DNAAF5: variants seen among roughly 807,000 people sequenced by gnomAD.
The protein encoded by DNAAF5 is HEAT repeat containing 2.
Under a neutral mutation model 75.8 loss-of-function variants are expected in DNAAF5, and 64 were observed. That is an observed-to-expected ratio of 0.84 (90% CI 0.69 to 1.04). DNAAF5 has a LOEUF of 1.04. DNAAF5 is among the 50% of genes least tolerant of loss of function. The pLI is 0.00. For missense variants in DNAAF5, 1,269 were observed against 1,178.5 expected, an observed-to-expected ratio of 1.08 and a Z score of -1.12; for synonymous variants, 657 against 557.2, an observed-to-expected ratio of 1.18 and a Z score of -2.52.
chr7:740,372 A>G (rs922919064), intron 2 of DNAAF5, among the ~76,000 whole-genome samples: 3 of 152,174 alleles, frequency 2.0e-5, no homozygotes, highest in African/African-American at 7.2e-5. Context: ...CCTTTGAGGT[A>G]TGGCCACGGT....
At chr7:750,278 G>A (rs562794114) in intron 4 of DNAAF5, among the ~76,000 whole-genome samples, 18 of 152,282 alleles carry the variant, frequency 1.2e-4, no homozygotes, top group East Asian at 5.8e-4. Context: ...AGCCAGGCAC[G>A]TAGGAGGCTG....
chr7:770,974 G>GGCAGGGAACAAGCTCTCA (rs1272677410), intron 9 of DNAAF5: 2,617 of 202,730 alleles, frequency 0.013, 35 homozygotes, highest in Admixed American at 0.024. Flanking sequence ...ACAAGCTCTC[G>GGCAGGGAACAAGCTCTCA]GCAGGGAATG....
At chr7:745,680 C>T (rs984049967) in intron 4 of DNAAF5, among the ~76,000 whole-genome samples, 2 of 148,402 alleles carry the variant, frequency 1.3e-5, no homozygotes, top group South Asian at 2.3e-4. Context: ...CGTGTACACA[C>T]ATATACACAT....
chr7:773,031 C>T (rs1206895973), intron 9 of DNAAF5: 1 of 151,944 alleles, frequency 6.6e-6, no homozygotes, highest in Non-Finnish European at 1.5e-5. Context: ...ACGCCTGGCC[C>T]ACACTTGGAC....
At position 727,293 on chromosome 7, in the gene DNAAF5, C is replaced by A; in HGVS notation, c.573C>A (p.Ala191=). The A allele has an allele frequency of 9.2e-6, 12 of 1,301,684 alleles. No individual in the cohort carries two copies. Among genetic ancestry groups the A allele is most frequent in the Non-Finnish European group, 1.2e-5 (12 of 1,028,862 alleles). 80.6% of individuals were successfully genotyped at this position (1,301,684 alleles called of 1,614,324 possible). Residue 191 remains alanine, a synonymous_variant, in exon 1 of 13, where the codon GCC becomes GCA. Transcript: ENST00000297440. ...AVRRESCSCA[A]ALAQATPDHF... ...GCCGCGAGAGCTGCAGCTGCGCCGC[C>A]GCCCTGGCGCAGGCCACGCCCGGTG...
chr7:771,538 T>C (rs542459288), intron 9 of DNAAF5: 1 of 152,406 alleles, frequency 6.6e-6, no homozygotes, highest in Admixed American at 6.5e-5. Context: ...TTCTCCTTCA[T>C]GACCCTCATC....
chr7:767,353 G>A (rs984353889), intron 8 of DNAAF5, among the ~76,000 whole-genome samples: 15 of 151,850 alleles, frequency 9.9e-5, no homozygotes, highest in Middle Eastern at 3.2e-3. Flanking sequence ...TTGGAAAGCC[G>A]TGGGACGCTG....
chr7:727,218 C>T lies in DNAAF5; in HGVS notation c.498C>T (p.Asp166=), dbSNP rs1583468276. 1.5e-6 allele frequency: 2 copies of T among 1,350,560 alleles called. No individual in the cohort carries two copies. Among genetic ancestry groups the T allele is most frequent in the Non-Finnish European group, 1.9e-6 (2 of 1,050,550 alleles). The allele number at this position is 1,350,560 out of a possible 1,614,324, so 83.7% of individuals were successfully genotyped here. A position where few individuals can be genotyped will look rare whatever the true frequency, so the allele number is the denominator to read the frequency against. ...CCGCGCTCGCGCCCCACCTGGACGA[C>T]GCTCTGCGCGCGCTGCGCTGCTCCC... The part of the protein sequence containing the change: ...CGAALAPHLD[D]ALRALRCSLL... The change falls in exon 1 of 13, where the codon GAC becomes GAT. Residue 166 remains aspartate, a synonymous_variant. Transcript: ENST00000297440.
intron 2 of DNAAF5, among the ~76,000 whole-genome samples, chr7:738,107 CT>C (rs1172782248): frequency 6.6e-6 from 1 of 152,132 alleles, no homozygotes; most frequent in African/African-American, 2.4e-5. Context: ...TCTTTCTATT[CT>C]TTTTTCTTTT....
chr7:760,065 CGGGGCCGCGCGGCTCCTCCAGCTCTGAG>C (rs1782596809), intron 6 of DNAAF5, among the ~76,000 whole-genome samples: 1 of 10,066 alleles, frequency 9.9e-5, no homozygotes, highest in Admixed American at 1.2e-3. Context: ...CCGAGGGAGA[CGGGGCCGCGCGGCTCCTCCAGCTCTGAG>C]GGAGACGGGG....
chr7:767,517 C>T (rs1778350876), intron 8 of DNAAF5, among the ~76,000 whole-genome samples: 1 of 152,208 alleles, frequency 6.6e-6, no homozygotes, highest in Non-Finnish European at 1.5e-5. Context: ...CCAAATACCT[C>T]ATACGAAGTT....
chr7:746,640 C>T, intron 4 of DNAAF5, among the ~76,000 whole-genome samples: 1 of 151,714 alleles, frequency 6.6e-6, no homozygotes, highest in South Asian at 2.1e-4. Context: ...TGCCACCCCC[C>T]ACCCACCTTG....
At chr7:748,474 TTC>T (rs936890598) in intron 4 of DNAAF5, among the ~76,000 whole-genome samples, 2 of 152,216 alleles carry the variant, frequency 1.3e-5, no homozygotes, top group African/African-American at 4.8e-5. Flanking sequence ...AGTTCTGTGT[TTC>T]TGAGTGCGGA....
intron 8 of DNAAF5, chr7:768,352 TGGC>T (rs1778420688): frequency 9.8e-6 from 1 of 101,822 alleles, no homozygotes; most frequent in African/African-American, 3.9e-5. Context: ...CACGTGATCC[TGGC>T]GGAAGTGTCT....
In DNAAF5 at chr7:785,608, C is replaced by G; in HGVS notation, c.2523C>G (p.Cys841Trp). 1 of 1,613,198 alleles carries G rather than the reference C, an allele frequency of 6.2e-7. No homozygotes were observed. Among genetic ancestry groups the G allele is most frequent in the Non-Finnish European group, 8.5e-7 (1 of 1,180,016 alleles). The change falls in exon 13 of 13, where the codon TGC becomes TGG. Residue 841 changes from cysteine (C) to tryptophan (W), a missense_variant. Transcript: ENST00000297440. The part of the protein sequence containing the change: ...VIHKHRSATY[C>W]EQLLQHVQAV... The stretch of plus-strand genomic sequence containing the variant: ...ACAAGCACCGCTCGGCCACCTACTG[C>G]GAGCAGCTCCTGCAGCATGTGCAGG...
intron 9 of DNAAF5, among the ~76,000 whole-genome samples, chr7:773,617 T>A (rs1778648449): frequency 6.6e-6 from 1 of 152,146 alleles, no homozygotes; most frequent in Admixed American, 6.5e-5. Context: ...GTTCTGTGGC[T>A]GGAGAGACTT....
intron 8 of DNAAF5, among the ~76,000 whole-genome samples, chr7:770,142 G>T (rs1268839707): frequency 6.6e-6 from 1 of 151,856 alleles, no homozygotes; most frequent in Non-Finnish European, 1.5e-5. Context: ...AGTGGAGATG[G>T]GGTTTCACCA....
At position 783,102 on chromosome 7, in the gene DNAAF5, C is replaced by T. The variant is rs554227256; in HGVS notation, c.2432-2415C>T. Reference sequence around the variant, plus strand: ...TGACTTGTATCCTCGGCCACAAACCCTGTCGGTTGTTCTGGGAGTGAGGGA... The same window carrying T: ...TGACTTGTATCCTCGGCCACAAACCTTGTCGGTTGTTCTGGGAGTGAGGGA... On this transcript the variant is annotated intron_variant, in intron 12 of 12. Coordinates refer to ENST00000297440, the MANE Select transcript of DNAAF5 (RefSeq NM_017802.4). 5.3e-5 allele frequency among the ~76,000 whole-genome samples: 8 copies of T among 152,370 alleles called. No homozygotes were observed. In the South Asian group the frequency reaches 1.0e-3, roughly 20 times the overall value.
At chr7:755,147 G>A (rs1782443411) in intron 5 of DNAAF5, among the ~76,000 whole-genome samples, 1 of 152,240 alleles carries the variant, frequency 6.6e-6, no homozygotes, top group Non-Finnish European at 1.5e-5. Flanking sequence ...ACAGGACCGA[G>A]ATGCCCAGCG....
Sources: allele counts gnomAD v4.1 joint callset (sites outside exome capture counted in the v4.1 genomes callset), GRCh38; gene constraint gnomAD v4.1.1; transcripts MANE v1.5; gene names NCBI Gene and HGNC (gene_info 2026-07-23, HGNC 2026-07-21).